The following CTDSPL2 variants were observed in gnomAD, a reference collection of about 807,000 sequenced individuals.
CTDSPL2 encodes CTD small phosphatase like 2.
In CTDSPL2, 5 loss-of-function variants were observed where a neutral mutation model predicts 60.0. The observed-to-expected ratio is 0.08, with a 90% CI of 0.04 to 0.18. The LOEUF (loss-of-function observed/expected upper bound fraction) is 0.18. Among genes scored for constraint, CTDSPL2 ranks in the 10% least tolerant of loss-of-function variants. The pLI is 1.00. For missense variants in CTDSPL2, 370 were observed against 548.8 expected (o/e 0.67, Z 3.26); for synonymous variants, 186 against 189.3 (o/e 0.98, Z 0.14).
chr15:44,474,074 T>C (rs2140749908), intron 2 of CTDSPL2, among the ~76,000 whole-genome samples: 1 of 152,228 alleles, frequency 6.6e-6, no homozygotes, highest in East Asian at 1.9e-4. Context: ...GCAGTCTACC[T>C]GCCTCGCCTT....
intron 12 of CTDSPL2, 123 bp from the exon 13 acceptor site, chr15:44,523,986 G>A: frequency 2.8e-6 from 2 of 707,456 alleles, no homozygotes; most frequent in Non-Finnish European, 4.9e-6. Context: ...TCTCTATTTG[G>A]CAAATAAAAT....
intron 1 of CTDSPL2, among the ~76,000 whole-genome samples, chr15:44,441,664 TTTC>T (rs766816326): frequency 6.6e-5 from 10 of 152,158 alleles, no homozygotes; most frequent in Non-Finnish European, 1.5e-4. Flanking sequence ...GGGGTTGTAT[TTTC>T]TTGGATTTGA....
intron 4 of CTDSPL2, among the ~76,000 whole-genome samples, chr15:44,490,557 CAT>C (rs2081196661): frequency 6.6e-6 from 1 of 152,188 alleles, no homozygotes; most frequent in Admixed American, 6.5e-5. Flanking sequence ...CAATTGCACA[CAT>C]GACTAGGATG....
chr15:44,514,917 A>C, intron 10 of CTDSPL2, 73 bp downstream of exon 10: 3 of 923,522 alleles, frequency 3.2e-6, no homozygotes, highest in Non-Finnish European at 5.1e-6. Context: ...ATTTCATTTT[A>C]ATGGCCATTT....
chr15:44,430,302 C>G (rs1465229120), intron 1 of CTDSPL2, among the ~76,000 whole-genome samples: 4 of 152,060 alleles, frequency 2.6e-5, no homozygotes, highest in Non-Finnish European at 5.9e-5. Context: ...GGGGGTCTCT[C>G]TTTGTGGCCC....
intron 1 of CTDSPL2, among the ~76,000 whole-genome samples, chr15:44,437,660 C>T (rs932531114): frequency 1.3e-5 from 2 of 152,058 alleles, no homozygotes; most frequent in Non-Finnish European, 2.9e-5. Flanking sequence ...TGGCTTAGTT[C>T]AACAAAGATT....
intron 8 of CTDSPL2, among the ~76,000 whole-genome samples, chr15:44,500,484 A>G (rs1054278842): frequency 2.0e-5 from 3 of 152,224 alleles, no homozygotes; most frequent in Non-Finnish European, 4.4e-5. Context: ...CACTTTGAAA[A>G]TTGCAAAGTA....
chr15:44,481,504 T>C (rs954091881), intron 2 of CTDSPL2, among the ~76,000 whole-genome samples: 1 of 152,206 alleles, frequency 6.6e-6, no homozygotes, highest in Non-Finnish European at 1.5e-5. Flanking sequence ...GAATTTGATA[T>C]TCTCTTCATC....
At chr15:44,515,909 G>A (rs1567104337) in intron 10 of CTDSPL2, among the ~76,000 whole-genome samples, 1 of 151,078 alleles carries the variant, frequency 6.6e-6, no homozygotes, top group Non-Finnish European at 1.5e-5. Context: ...TTGGTTGGTT[G>A]GTTCGTTCGT....
chr15:44,523,238 C>G (rs2081814051), intron 12 of CTDSPL2, among the ~76,000 whole-genome samples: 1 of 152,116 alleles, frequency 6.6e-6, no homozygotes, highest in South Asian at 2.1e-4. Context: ...CTCAGGTAAT[C>G]TACCTGCGTT....
chr15:44,459,541 C>T (rs758626159), intron 2 of CTDSPL2, among the ~76,000 whole-genome samples: 2 of 151,940 alleles, frequency 1.3e-5, no homozygotes, highest in African/African-American at 2.4e-5. Flanking sequence ...AAAATAGTGA[C>T]AATTATGATA....
chr15:44,455,300 T>C, intron 1 of CTDSPL2, among the ~76,000 whole-genome samples: 1 of 152,242 alleles, frequency 6.6e-6, no homozygotes, highest in Non-Finnish European at 1.5e-5. Flanking sequence ...AAGTTGCTTA[T>C]CAGCTTAAGG....
intron 1 of CTDSPL2, chr15:44,427,998 C>G (rs1284361802): frequency 3.5e-6 from 1 of 281,992 alleles, no homozygotes; most frequent in African/African-American, 2.2e-5. Flanking sequence ...GCCAGCTTCA[C>G]CTCTTAGGTT....
chr15:44,447,175 T>A (rs767963884), intron 1 of CTDSPL2, among the ~76,000 whole-genome samples: 2 of 152,198 alleles, frequency 1.3e-5, no homozygotes, highest in Non-Finnish European at 2.9e-5. Context: ...AGACACTACT[T>A]TATGTGGTTG....
chr15:44,471,572 A>G (rs189465226), intron 2 of CTDSPL2, among the ~76,000 whole-genome samples: 6 of 152,278 alleles, frequency 3.9e-5, no homozygotes, highest in African/African-American at 7.2e-5. Context: ...ATTATGATCT[A>G]CTATCTTAGA....
At chr15:44,458,947 A>T (rs1437602526) in intron 1 of CTDSPL2, 44 bp from the exon 2 acceptor site, 26 of 1,290,126 alleles carry the variant, frequency 2.0e-5, no homozygotes, top group Non-Finnish European at 2.6e-5. Context: ...GTTGAATTTA[A>T]TAACTTTTAA....
chr15:44,528,672 A>G lies in CTDSPL2; in HGVS notation c.*4498A>G, dbSNP rs1281133120. The G allele has an allele frequency of 1.3e-5, 2 of 152,146 alleles. No homozygotes were observed. The highest frequency in any genetic ancestry group is 2.9e-5 in the Non-Finnish European group (2 of 68,024). The allele number at this position is 152,146 out of a possible 1,614,324, so 9.4% of individuals were successfully genotyped here. A position where few individuals can be genotyped will look rare whatever the true frequency, so the allele number is the denominator to read the frequency against. Reference sequence around the variant, plus strand: ...GGAATAGTTGACCATATACATAGCTAAAGGACATGTCCCTGAATGAGACCA... The same window carrying G: ...GGAATAGTTGACCATATACATAGCTGAAGGACATGTCCCTGAATGAGACCA... On this transcript the variant is annotated 3_prime_UTR_variant, in exon 13 of 13. Transcript: ENST00000260327.
intron 8 of CTDSPL2, chr15:44,502,051 A>G: frequency 2.2e-6 from 1 of 446,396 alleles, no homozygotes; most frequent in South Asian, 1.6e-5. Context: ...ATTATTAGGT[A>G]AGATGTAACT....
At chr15:44,468,628 C>T (rs1313168875) in intron 2 of CTDSPL2, among the ~76,000 whole-genome samples, 5 of 152,030 alleles carry the variant, frequency 3.3e-5, no homozygotes, top group Non-Finnish European at 5.9e-5. Context: ...ATATTTTAGG[C>T]TTTGTGGACA....
Sources: allele counts gnomAD v4.1 joint callset (sites outside exome capture counted in the v4.1 genomes callset), GRCh38; gene constraint gnomAD v4.1.1; transcripts MANE v1.5; gene names NCBI Gene and HGNC (gene_info 2026-07-23, HGNC 2026-07-21).